The following PUM2 variants were observed in gnomAD, a reference collection of about 807,000 sequenced individuals.
PUM2 encodes pumilio homolog 2.
In PUM2, 57 loss-of-function variants were observed where a neutral mutation model predicts 124.5. That is an observed-to-expected ratio of 0.46 (90% confidence interval 0.37 to 0.57). The LOEUF (loss-of-function observed/expected upper bound fraction) is 0.57. Among genes scored for constraint, PUM2 ranks in the 20% least tolerant of loss-of-function variants. PUM2 has a pLI of 0.00. For synonymous variants in PUM2, 460 were observed against 446.1 expected, an observed-to-expected ratio of 1.03 and a Z score of -0.39; for missense variants, 1,065 against 1,290.6, an observed-to-expected ratio of 0.83 and a Z score of 2.68.
At chr2:20,299,181 T>TG (rs1676360861) in intron 7 of PUM2, among the ~76,000 whole-genome samples, 1 of 152,082 alleles carries the variant, frequency 6.6e-6, no homozygotes, top group South Asian at 2.1e-4. Flanking sequence ...CAGTGTGTGT[T>TG]GGGGGTGGAA....
chr2:20,313,396 A>C (rs1358643976), intron 3 of PUM2, among the ~76,000 whole-genome samples: 1 of 152,252 alleles, frequency 6.6e-6, no homozygotes, highest in East Asian at 1.9e-4. Context: ...AGAACAGTAC[A>C]ACCAAAAAGG....
At chr2:20,297,053 C>A (rs960605645) in intron 8 of PUM2, among the ~76,000 whole-genome samples, 1 of 152,122 alleles carries the variant, frequency 6.6e-6, no homozygotes, top group Non-Finnish European at 1.5e-5. Flanking sequence ...GTTTTTAGTA[C>A]GTTCTTTCCA....
chr2:20,259,208 G>A (rs1479488051), intron 15 of PUM2, among the ~76,000 whole-genome samples: 2 of 152,158 alleles, frequency 1.3e-5, no homozygotes, highest in Admixed American at 1.3e-4. Context: ...GACTACCAAT[G>A]CTTTATATTT....
At chr2:20,300,296 T>C (rs1161043810) in intron 7 of PUM2, among the ~76,000 whole-genome samples, 1 of 152,074 alleles carries the variant, frequency 6.6e-6, no homozygotes, top group Non-Finnish European at 1.5e-5. Flanking sequence ...ATTACAGGCA[T>C]GCGCCGCCAC....
At chr2:20,314,360 T>C (rs1465399024) in intron 3 of PUM2, among the ~76,000 whole-genome samples, 1 of 152,220 alleles carries the variant, frequency 6.6e-6, no homozygotes, top group Non-Finnish European at 1.5e-5. Context: ...TTAAAATTTT[T>C]CAATTTATTT....
At position 20,333,144 on chromosome 2, in the gene PUM2, G is replaced by T. The variant is rs529010682; in HGVS notation, c.-18-5766C>A. ...ATATTAGCTAATTTTTCAGTAGGCAGATTATTACTAATGATGTGAGGAAAA... is the reference window on the plus strand; with the variant it reads ...ATATTAGCTAATTTTTCAGTAGGCATATTATTACTAATGATGTGAGGAAAA... On this transcript the variant is annotated intron_variant, in intron 1 of 20. Coordinates refer to ENST00000361078, the MANE Select transcript of PUM2 (RefSeq NM_015317.5). 3.3e-5 allele frequency: 5 copies of T among 152,288 alleles called. No homozygotes were observed. In the East Asian group the frequency reaches 9.6e-4, roughly 29 times the overall value. 9.4% of individuals were successfully genotyped at this position (152,288 alleles called of 1,614,324 possible). A position where few individuals can be genotyped will look rare whatever the true frequency, so the allele number is the denominator to read the frequency against.
chr2:20,263,293 T>C lies in PUM2; in HGVS notation c.2125A>G (p.Arg709Gly), dbSNP rs754377984. ...TTGTTTCTGAAATCTTCCAATAATC[T>C]ACTGCGGCCAGAAGGCATAATATCA... ...RSDIMPSGRS[R>G]LLEDFRNNRF... The change falls in exon 14 of 21, where the codon AGA (arginine) becomes GGA (glycine). Residue 709 changes from arginine (R) to glycine (G), a missense_variant. Transcript: ENST00000361078. 1 of 1,613,732 alleles carries C rather than the reference T, an allele frequency of 6.2e-7. No homozygotes were observed. Among genetic ancestry groups the C allele is most frequent in the Non-Finnish European group, 8.5e-7 (1 of 1,179,746 alleles).
chr2:20,270,896 A>C (rs907961315), intron 13 of PUM2, among the ~76,000 whole-genome samples: 1 of 152,188 alleles, frequency 6.6e-6, no homozygotes, highest in Non-Finnish European at 1.5e-5. Flanking sequence ...AAACAATTCC[A>C]TTATAATCCA....
intron 13 of PUM2, among the ~76,000 whole-genome samples, chr2:20,271,474 C>T (rs929446585): frequency 3.3e-5 from 5 of 152,134 alleles, no homozygotes; most frequent in Non-Finnish European, 4.4e-5. Context: ...TCACCGCACC[C>T]GGCTAATTTT....
chr2:20,278,590 C>A lies in PUM2; in HGVS notation c.1950G>T (p.Leu650Phe). 6.2e-7 allele frequency: 1 copy of A among 1,608,334 alleles called. No individual in the cohort carries two copies. Among genetic ancestry groups the A allele is most frequent in the Non-Finnish European group, 8.5e-7 (1 of 1,175,820 alleles). Residue 650 changes from leucine to phenylalanine, a missense_variant, in exon 13 of 21, where the codon TTG becomes TTT. Around this residue, in one of 3 missense-constraint regions of PUM2, gnomAD observed 968 missense variants for 1,159.8 expected, o/e 0.83. Transcript: ENST00000361078. The stretch of plus-strand genomic sequence containing the variant: ...TTTTGGTTTTTTTTTTACCTAAATG[C>A]AAACTGGATGAGGATCCATGTGATG... ...SLSSHGSSSSLHLGGLTNGSG... is the reference protein window; with the variant it reads ...SLSSHGSSSSFHLGGLTNGSG...
chr2:20,319,422 T>C (rs1681774290), intron 2 of PUM2, among the ~76,000 whole-genome samples: 1 of 152,214 alleles, frequency 6.6e-6, no homozygotes, highest in Non-Finnish European at 1.5e-5. Flanking sequence ...GAAGCATTCA[T>C]AAGACACCAT....
At chr2:20,256,292 A>C in intron 16 of PUM2, 122 bp from the exon 17 acceptor site, 1 of 897,208 alleles carries the variant, frequency 1.1e-6, no homozygotes, top group Non-Finnish European at 1.6e-6. Flanking sequence ...AGTATTAAAA[A>C]TACTGAGATG....
At chr2:20,267,291 G>C (rs1038434021) in intron 13 of PUM2, among the ~76,000 whole-genome samples, 6 of 152,090 alleles carry the variant, frequency 3.9e-5, no homozygotes, top group African/African-American at 1.4e-4. Context: ...CTCCAAAAGT[G>C]CTGAGATTAC....
At chr2:20,323,461 A>G (rs1248983334) in intron 2 of PUM2, among the ~76,000 whole-genome samples, 3 of 151,964 alleles carry the variant, frequency 2.0e-5, no homozygotes, top group Non-Finnish European at 4.4e-5. Context: ...AAAAAAAAAA[A>G]AAAAGAATGG....
At chr2:20,345,117 G>A (rs1688003203) in intron 1 of PUM2, among the ~76,000 whole-genome samples, 1 of 149,444 alleles carries the variant, frequency 6.7e-6, no homozygotes, top group African/African-American at 2.5e-5. Flanking sequence ...GCGGGGCCGG[G>A]GAGACAGGGC....
intron 1 of PUM2, among the ~76,000 whole-genome samples, chr2:20,344,982 CAAAAAAAAAA>C (rs762460030): frequency 2.3e-4 from 15 of 66,262 alleles, no homozygotes; most frequent in Non-Finnish European, 3.4e-4. Flanking sequence ...GACTCTGTCT[CAAAAAAAAAA>C]AAAAAAAAAA....
At chr2:20,263,498 CAA>C (rs757114662) in intron 13 of PUM2, 38 bp from the exon 14 acceptor site, 4 of 1,551,892 alleles carry the variant, frequency 2.6e-6, no homozygotes, top group Non-Finnish European at 3.5e-6. Flanking sequence ...GTATTTTTGA[CAA>C]AGTTATTCCT....
Position 20,260,385 on chromosome 2 carries a change from T to A in PUM2, c.2307A>T (p.Gln769His). The A allele has an allele frequency of 6.2e-7, 1 of 1,613,018 alleles. No homozygotes were observed. Among genetic ancestry groups the A allele is most frequent in the Non-Finnish European group, 8.5e-7 (1 of 1,179,208 alleles). The change falls in exon 15 of 21, where the codon CAA (glutamine) becomes CAT (histidine). Residue 769 changes from glutamine to histidine, a missense_variant. Physicochemically the swap from Gln to His is conservative, Grantham distance 24. Around this residue, in one of 3 missense-constraint regions of PUM2, gnomAD observed 968 missense variants for 1,159.8 expected, o/e 0.83. Coordinates refer to ENST00000361078, the MANE Select transcript of PUM2 (RefSeq NM_015317.5). ...VFNEILQAAY[Q>H]LMTDVFGNYV... ...AGTTGCCAAAAACATCAGTCATTAA[T>A]TGATAGGCTGCTTGCAGAATTTCAT... is the stretch of plus-strand genomic sequence containing the variant.
At chr2:20,302,270 T>C (rs1015686369) in intron 7 of PUM2, among the ~76,000 whole-genome samples, 2 of 152,190 alleles carry the variant, frequency 1.3e-5, no homozygotes, top group African/African-American at 4.8e-5. Flanking sequence ...CCAGGAAAAC[T>C]GTACCAGTTT....
Sources: gnomAD v4.1 joint callset for allele counts (sites outside exome capture counted in the v4.1 genomes callset) on GRCh38, gnomAD v4.1.1 for gene constraint, gnomAD v4.1.1 regional missense constraint, MANE v1.5 for transcripts, NCBI Gene and HGNC (gene_info 2026-07-23, HGNC 2026-07-21) for gene names.